The following RMDN1 variants were observed in gnomAD, a reference collection of about 807,000 sequenced individuals.
The protein encoded by RMDN1 is regulator of microtubule dynamics protein 1.
In RMDN1, 48 loss-of-function variants were observed where a neutral mutation model predicts 48.9. That is an observed-to-expected ratio of 0.98 (90% CI 0.78 to 1.25). The LOEUF is 1.25. Ranked by LOEUF, RMDN1 falls within the 50% of genes most tolerant of loss-of-function variation. The probability of loss-of-function intolerance (pLI) is 0.00; values close to 1 mark genes in which losing one functional copy is unlikely to be tolerated. For synonymous variants in RMDN1, 148 were observed against 132.6 expected, an observed-to-expected ratio of 1.12 and a Z score of -0.80; for missense variants, 418 against 373.4, an observed-to-expected ratio of 1.12 and a Z score of -0.98.
chr8:86,508,746 C>T (rs1819858593), upstream of RMDN1: 31 of 1,392,720 alleles, frequency 2.2e-5, no homozygotes, highest in Non-Finnish European at 2.6e-5. Context: ...ACCTCTTCCG[C>T]CTCCTGCCCA....
downstream of RMDN1, chr8:86,468,642 G>A (rs771666966): frequency 2.9e-5 from 13 of 455,168 alleles, no homozygotes; most frequent in South Asian, 4.7e-5. Flanking sequence ...TTTCCAGTTC[G>A]TTTTCAGGGT....
chr8:86,477,079 A>C (rs367672892), intron 8 of RMDN1, among the ~76,000 whole-genome samples: 1 of 152,196 alleles, frequency 6.6e-6, no homozygotes. Flanking sequence ...ATCAAATGAT[A>C]GACATTCCAG....
At chr8:86,498,879 G>A (rs368401877) in intron 2 of RMDN1, among the ~76,000 whole-genome samples, 3 of 152,128 alleles carry the variant, frequency 2.0e-5, no homozygotes, top group African/African-American at 7.2e-5. Context: ...CACAAAAGTA[G>A]GCTTTATTCT....
rs760945261 is a variant in RMDN1, at chr8:86,498,077, CAA to C, written c.247+8916_247+8917del. Among the ~76,000 whole-genome samples the C allele has an allele frequency of 4.8e-4, 73 of 152,266 alleles. 1 individual carries two copies. The highest frequency in any genetic ancestry group is 8.2e-4 in the Non-Finnish European group (56 of 68,018). On this transcript the variant is annotated intron_variant, in intron 2 of 9. Transcript: ENST00000406452. ...TGCCATTGCACTCCAGTCTGGGCAA[CAA>C]GAGTGAAACTCCATCTCAAAAATAA...
chr8:86,503,777 G>A, intron 2 of RMDN1: 1 of 503,018 alleles, frequency 2.0e-6, no homozygotes, highest in Non-Finnish European at 3.9e-6. Context: ...CTTGTCTGTG[G>A]CCATATTCTC....
Position 86,508,675 on chromosome 8 carries a change from C to A in RMDN1, c.-55G>T. The A allele has an allele frequency of 4.6e-6, 7 of 1,522,886 alleles. No homozygotes were observed. Among genetic ancestry groups the A allele is most frequent in the Non-Finnish European group, 6.2e-6 (7 of 1,137,802 alleles). 94.3% of individuals were successfully genotyped at this position (1,522,886 alleles called of 1,614,324 possible). On this transcript the variant is annotated 5_prime_UTR_variant, in exon 1 of 10. Coordinates refer to ENST00000406452, the MANE Select transcript of RMDN1 (RefSeq NM_016033.3). ...TACTTCAGGCAGCTACGGAGGCGGG[C>A]GGGGCTAAAGGAGATTCAATCCTTC...
chr8:86,472,450 G>T lies in RMDN1; in HGVS notation c.*1858C>A. On this transcript the variant is annotated 3_prime_UTR_variant, in exon 10 of 10. Transcript: ENST00000406452. Reference sequence around the variant, plus strand: ...ACATCCCTAGAAAGACCCACTTCCTGGCCCTTCAGCTGCTTCTGTTTCTCT... The same window carrying T: ...ACATCCCTAGAAAGACCCACTTCCTTGCCCTTCAGCTGCTTCTGTTTCTCT... The T allele has an allele frequency of 1.4e-6, 1 of 702,428 alleles. No homozygotes were observed. Among genetic ancestry groups the T allele is most frequent in the Non-Finnish European group, 2.6e-6 (1 of 384,978 alleles). 43.5% of individuals were successfully genotyped at this position (702,428 alleles called of 1,614,324 possible).
intron 1 of RMDN1, among the ~76,000 whole-genome samples, chr8:86,514,007 T>A (rs558107288): frequency 6.7e-6 from 1 of 149,436 alleles, no homozygotes; most frequent in East Asian, 2.0e-4. Context: ...GCCCAGCTAT[T>A]TTTTTTTTTA....
chr8:86,473,996 T>C lies in RMDN1; in HGVS notation c.*312A>G, dbSNP rs1048473339. ...AGATCCATTTCCCCTCCTCTACAAA[T>C]ATTTCTTTGCTTGATCTCCCATCCC... On this transcript the variant is annotated 3_prime_UTR_variant, in exon 10 of 10. Coordinates refer to ENST00000406452, the MANE Select transcript of RMDN1 (RefSeq NM_016033.3). 3 of 1,079,284 alleles carry C rather than the reference T, an allele frequency of 2.8e-6. No homozygotes were observed. Among genetic ancestry groups the C allele is most frequent in the Non-Finnish European group, 3.4e-6 (3 of 889,510 alleles). 66.9% of individuals were successfully genotyped at this position (1,079,284 alleles called of 1,614,324 possible).
chr8:86,480,463 C>T (rs1814191555), intron 5 of RMDN1, 131 bp from the exon 6 acceptor site: 1 of 501,828 alleles, frequency 2.0e-6, no homozygotes, highest in African/African-American at 1.9e-5. Flanking sequence ...ATTATAATAT[C>T]AACTTTCTTC....
chr8:86,469,191 C>A (rs1022804084), downstream of RMDN1, among the ~76,000 whole-genome samples: 1 of 151,446 alleles, frequency 6.6e-6, no homozygotes, highest in African/African-American at 2.4e-5. Flanking sequence ...TCCCGCCCCC[C>A]CCATGTACTT....
chr8:86,504,019 A>G, intron 2 of RMDN1: 1 of 785,330 alleles, frequency 1.3e-6, no homozygotes, highest in South Asian at 1.3e-5. Flanking sequence ...GATCTCAGCT[A>G]CTGCCCTGCA....
intron 7 of RMDN1, 62 bp from the exon 8 acceptor site, chr8:86,477,386 A>G (rs1216019594): frequency 7.4e-6 from 10 of 1,344,844 alleles, no homozygotes; most frequent in Middle Eastern, 1.9e-4. Context: ...ATATTAAAAA[A>G]GCATTGTCTC....
intron 9 of RMDN1, 47 bp downstream of exon 9, chr8:86,474,773 A>G: frequency 6.4e-7 from 1 of 1,560,070 alleles, no homozygotes; most frequent in South Asian, 1.2e-5. Flanking sequence ...TCACCATTTA[A>G]TAGTGCCTCA....
At chr8:86,483,028 G>T (rs1814825692) in intron 5 of RMDN1, 2 of 563,100 alleles carry the variant, frequency 3.6e-6, no homozygotes, top group South Asian at 4.5e-5. Context: ...CCAGGCCAGG[G>T]TTTAATTTTC....
At position 86,514,267 on chromosome 8, in the gene RMDN1, T is replaced by A. The variant is rs1820195754; in HGVS notation, c.-29A>T. 3 of 985,344 alleles carry A rather than the reference T, an allele frequency of 3.0e-6. No individual in the cohort carries two copies. The East Asian group carries it at 3.4e-4, about 112-fold the overall frequency. 61.0% of individuals were successfully genotyped at this position (985,344 alleles called of 1,614,324 possible). A position where few individuals can be genotyped will look rare whatever the true frequency, so the allele number is the denominator to read the frequency against. ...CTTAAAGTCAGTTTTGCCTTTTCAGTAAGCGACTGGCCTCCAGAATGGCCT... is the reference window on the plus strand; with the variant it reads ...CTTAAAGTCAGTTTTGCCTTTTCAGAAAGCGACTGGCCTCCAGAATGGCCT... On this transcript the variant is annotated 5_prime_UTR_variant, in exon 1 of 10. Transcript: ENST00000523911.
At position 86,474,005 on chromosome 8, in the gene RMDN1, G is replaced by T; in HGVS notation, c.*303C>A. On this transcript the variant is annotated 3_prime_UTR_variant, in exon 10 of 10. Transcript: ENST00000406452. ...TCCCCTCCTCTACAAATATTTCTTT[G>T]CTTGATCTCCCATCCCAATGTGATC... The T allele has an allele frequency of 9.2e-7, 1 of 1,081,836 alleles. No individual in the cohort carries two copies. The highest frequency in any genetic ancestry group is 1.1e-6 in the Non-Finnish European group (1 of 891,372). 67.0% of individuals were successfully genotyped at this position (1,081,836 alleles called of 1,614,324 possible). A position where few individuals can be genotyped will look rare whatever the true frequency, so the allele number is the denominator to read the frequency against.
chr8:86,477,900 A>T (rs564476350), intron 7 of RMDN1, among the ~76,000 whole-genome samples: 22 of 152,100 alleles, frequency 1.4e-4, no homozygotes, highest in African/African-American at 3.1e-4. Context: ...TAAAAAAAAA[A>T]AAAAAGAACC....
intron 5 of RMDN1, chr8:86,482,374 C>G: frequency 2.6e-6 from 1 of 384,754 alleles, no homozygotes; most frequent in South Asian, 2.2e-5. Flanking sequence ...TGCACCCCAG[C>G]CTGGGCAACA....
Sources: gnomAD v4.1 joint callset for allele counts (sites outside exome capture counted in the v4.1 genomes callset) on GRCh38, gnomAD v4.1.1 for gene constraint, MANE v1.5 for transcripts, NCBI Gene and HGNC (gene_info 2026-07-23, HGNC 2026-07-21) for gene names.